ZFYVE1: variants seen among roughly 807,000 people sequenced by gnomAD.
ZFYVE1 encodes zinc finger FYVE domain-containing protein 1.
A neutral mutation model predicts 74.4 loss-of-function variants in ZFYVE1; 30 were observed. The observed-to-expected ratio is 0.40, with a 90% confidence interval of 0.30 to 0.55. The LOEUF (loss-of-function observed/expected upper bound fraction) is 0.55, where lower values mean the gene tolerates loss of function less well. ZFYVE1 is among the 20% of genes least tolerant of loss of function. ZFYVE1 has a pLI of 0.42. For missense variants in ZFYVE1, 703 were observed against 1,011.6 expected, an observed-to-expected ratio of 0.69 and a Z score of 4.14; for synonymous variants, 335 against 385.1, an observed-to-expected ratio of 0.87 and a Z score of 1.52.
At chr14:73,004,945 G>A (rs1298542839) in intron 2 of ZFYVE1, among the ~76,000 whole-genome samples, 1 of 148,896 alleles carries the variant, frequency 6.7e-6, no homozygotes. Context: ...GCAGTGAGCC[G>A]AGATCACGCC....
intron 4 of ZFYVE1, among the ~76,000 whole-genome samples, chr14:72,988,929 CTTT>C (rs34464072): frequency 5.1e-5 from 6 of 118,106 alleles, no homozygotes; most frequent in African/African-American, 1.3e-4. Context: ...GCAATTTCTT[CTTT>C]TTTTTTTTTT....
chr14:72,972,960 C>T (rs1399867708), intron 11 of ZFYVE1, among the ~76,000 whole-genome samples: 1 of 151,956 alleles, frequency 6.6e-6, no homozygotes, highest in Non-Finnish European at 1.5e-5. Context: ...CTGCCTTGGC[C>T]TCCCAAAGTG....
In ZFYVE1 at chr14:73,024,117, T is replaced by G. The variant is rs762963529; in HGVS notation, c.392A>C (p.Glu131Ala). The G allele has an allele frequency of 3.1e-6, 5 of 1,614,186 alleles. No homozygotes were observed. In the Admixed American group the frequency reaches 8.3e-5, roughly 27 times the overall value. ...GGTCTCCTCATCCATCTCTTCTGCCTCCAGTGACTCCTGGAGATTACTGAC... is the reference window on the plus strand; with the variant it reads ...GGTCTCCTCATCCATCTCTTCTGCCGCCAGTGACTCCTGGAGATTACTGAC... ...YNVSNLQESLEAEEMDEETKR... is the reference protein window; with the variant it reads ...YNVSNLQESLAAEEMDEETKR... Residue 131 changes from glutamate (E) to alanine (A), a missense_variant, in exon 2 of 12, where the codon GAG becomes GCG. By Grantham distance (107) the Glu-to-Ala change is moderately radical. Coordinates refer to ENST00000556143, the MANE Select transcript of ZFYVE1 (RefSeq NM_021260.4).
intron 2 of ZFYVE1, among the ~76,000 whole-genome samples, chr14:73,007,413 G>C (rs1019631998): frequency 6.6e-6 from 1 of 151,876 alleles, no homozygotes; most frequent in African/African-American, 2.4e-5. Context: ...CTAAAGACAG[G>C]TCTTGCTCTG....
intron 2 of ZFYVE1, among the ~76,000 whole-genome samples, chr14:73,019,155 T>G (rs1016677122): frequency 1.3e-5 from 2 of 152,182 alleles, no homozygotes; most frequent in Admixed American, 1.3e-4. Flanking sequence ...TAAAGGAAGC[T>G]TTTAGTCCTT....
chr14:73,010,842 C>T (rs978189513), intron 2 of ZFYVE1, among the ~76,000 whole-genome samples: 10 of 143,598 alleles, frequency 7.0e-5, no homozygotes, highest in Admixed American at 7.0e-5. Context: ...TGGACTCTTA[C>T]ATTTCATTGA....
chr14:72,970,694 C>G lies in ZFYVE1; in HGVS notation c.*188G>C. 1 of 633,986 alleles carries G rather than the reference C, an allele frequency of 1.6e-6. No individual in the cohort carries two copies. The highest frequency in any genetic ancestry group is 2.8e-6 in the Non-Finnish European group (1 of 362,590). The allele number at this position is 633,986 out of a possible 1,614,324, so 39.3% of individuals were successfully genotyped here. On this transcript the variant is annotated 3_prime_UTR_variant, in exon 12 of 12. Transcript: ENST00000556143. ...CCTTTGCGATAAGTTGCAAGGTCCC[C>G]TGCCCTGAGGGGTCCACACCTTCGG...
rs1218189929 is a variant in ZFYVE1, at chr14:72,969,782, T to C, written c.*1100A>G. 1 of 700,972 alleles carries C rather than the reference T, an allele frequency of 1.4e-6. No homozygotes were observed. Among genetic ancestry groups the C allele is most frequent in the East Asian group, 2.7e-5 (1 of 37,246 alleles). 43.4% of individuals were successfully genotyped at this position (700,972 alleles called of 1,614,324 possible). A position where few individuals can be genotyped will look rare whatever the true frequency, so the allele number is the denominator to read the frequency against. On this transcript the variant is annotated 3_prime_UTR_variant, in exon 12 of 12. Coordinates refer to ENST00000556143, the MANE Select transcript of ZFYVE1 (RefSeq NM_021260.4). ...CTCTTGAGGAGAAACAAAAGTTCCT[T>C]TGACTTCTCTTGCAAGGACCAAAGA...
chr14:72,971,750 T>C (rs1246313085), intron 11 of ZFYVE1, among the ~76,000 whole-genome samples: 1 of 152,172 alleles, frequency 6.6e-6, no homozygotes, highest in Non-Finnish European at 1.5e-5. Flanking sequence ...ATTATAGGCA[T>C]GCACCCCCAC....
chr14:73,010,764 C>G (rs1894072867), intron 2 of ZFYVE1, among the ~76,000 whole-genome samples: 2 of 102,072 alleles, frequency 2.0e-5, no homozygotes. Flanking sequence ...AGCAAGACTC[C>G]ATCTAAAAAA....
rs1893159834 is a variant in ZFYVE1 at position 72,975,980 on chromosome 14, C to T, written c.1636-259G>A. On this transcript the variant is annotated intron_variant, in intron 8 of 11. Coordinates refer to ENST00000556143, the MANE Select transcript of ZFYVE1 (RefSeq NM_021260.4). The surrounding 1 kb of genome is among the most constrained non-coding windows in gnomAD (Gnocchi z 4.1). Reference sequence around the variant, plus strand: ...GAGATGACACCTCCTCCAGGGGGCCCCGCACCGCAGGCTGAGTTAAGAACC... The same window carrying T: ...GAGATGACACCTCCTCCAGGGGGCCTCGCACCGCAGGCTGAGTTAAGAACC... 5.1e-6 allele frequency: 2 copies of T among 393,064 alleles called. No individual in the cohort carries two copies. Among genetic ancestry groups the T allele is most frequent in the Non-Finnish European group, 9.1e-6 (2 of 220,312 alleles). The allele number at this position is 393,064 out of a possible 1,614,324, so 24.3% of individuals were successfully genotyped here.
intron 2 of ZFYVE1, among the ~76,000 whole-genome samples, chr14:73,007,556 G>A (rs542778068): frequency 1.3e-5 from 2 of 152,064 alleles, no homozygotes; most frequent in South Asian, 4.2e-4. Flanking sequence ...CTTATTTTTT[G>A]TAGAGACAGG....
intron 3 of ZFYVE1, among the ~76,000 whole-genome samples, chr14:72,996,197 G>A (rs1893744957): frequency 6.6e-6 from 1 of 152,150 alleles, no homozygotes; most frequent in African/African-American, 2.4e-5. Flanking sequence ...AGGAGTTAAA[G>A]TGATGGCACT....
chr14:73,016,599 C>T (rs772075271), intron 2 of ZFYVE1, among the ~76,000 whole-genome samples: 14 of 151,938 alleles, frequency 9.2e-5, no homozygotes, highest in Admixed American at 2.6e-4. Context: ...TCAATGAATA[C>T]GGCCAGATGC....
At chr14:73,011,628 T>G (rs1278752493) in intron 2 of ZFYVE1, among the ~76,000 whole-genome samples, 1 of 151,642 alleles carries the variant, frequency 6.6e-6, no homozygotes. Flanking sequence ...CAAGCGATTC[T>G]AGTGCCTCAG....
intron 2 of ZFYVE1, among the ~76,000 whole-genome samples, chr14:73,002,262 G>A (rs12323834): frequency 0.048 from 7,356 of 152,198 alleles, 266 homozygotes; most frequent in African/African-American, 0.11. Flanking sequence ...GTTGCTAGAG[G>A]AAGGAGGGAG....
At chr14:73,001,026 C>T (rs1406360840) in intron 2 of ZFYVE1, among the ~76,000 whole-genome samples, 2 of 152,236 alleles carry the variant, frequency 1.3e-5, no homozygotes, top group Non-Finnish European at 2.9e-5. Flanking sequence ...TGTTTTCTGT[C>T]ATGACTGTGC....
Position 72,970,805 on chromosome 14 carries a change from G to A in ZFYVE1, c.*77C>T. 6.8e-7 allele frequency: 1 copy of A among 1,461,664 alleles called. No homozygotes were observed. The highest frequency in any genetic ancestry group is 9.4e-7 in the Non-Finnish European group (1 of 1,069,182). 90.5% of individuals were successfully genotyped at this position (1,461,664 alleles called of 1,614,324 possible). On this transcript the variant is annotated 3_prime_UTR_variant, in exon 12 of 12. Coordinates refer to ENST00000556143, the MANE Select transcript of ZFYVE1 (RefSeq NM_021260.4). Reference sequence around the variant, plus strand: ...CACACACCACAGCAGGTGACTGGGAGGAGGGCCTACCTCGCAAGACTGTTT... The same window carrying A: ...CACACACCACAGCAGGTGACTGGGAAGAGGGCCTACCTCGCAAGACTGTTT...
Position 72,977,964 on chromosome 14 carries a change from G to A in ZFYVE1, c.1598C>T (p.Thr533Met), listed in dbSNP as rs778357480. Residue 533 changes from threonine to methionine, a missense_variant, in exon 8 of 12, where the codon ACG (threonine) becomes ATG (methionine). This residue lies in a region of ZFYVE1 where 492 missense variants were observed against 790.0 expected (regional missense o/e 0.62). Transcript: ENST00000556143. ...ATGCACAATCTCTGTCCGCACCACCGTATCCACAGGATCTTGGTTTCCAAA... is the reference window on the plus strand; with the variant it reads ...ATGCACAATCTCTGTCCGCACCACCATATCCACAGGATCTTGGTTTCCAAA... ...YWFGNQDPVDTVVRTEIVHVW... is the reference protein window; with the variant it reads ...YWFGNQDPVDMVVRTEIVHVW... 16 of 1,614,038 alleles carry A rather than the reference G, an allele frequency of 9.9e-6. No homozygotes were observed. Among genetic ancestry groups the A allele is most frequent in the South Asian group, 6.6e-5 (6 of 91,082 alleles).
Sources: allele counts gnomAD v4.1 joint callset (sites outside exome capture counted in the v4.1 genomes callset), GRCh38; gene constraint gnomAD v4.1.1; regional missense constraint gnomAD v4.1.1; non-coding constraint Gnocchi (gnomAD v3.1); transcripts MANE v1.5; gene names NCBI Gene and HGNC (gene_info 2026-07-23, HGNC 2026-07-21).